DYNC2H1: variants seen among roughly 807,000 people sequenced by gnomAD.
DYNC2H1 encodes the protein dynein cytoplasmic 2 heavy chain 1, also known as cytoplasmic dynein 2 heavy chain 1.
A neutral mutation model predicts 570.0 loss-of-function variants in DYNC2H1; 410 were observed. That is an observed-to-expected ratio of 0.72 (90% CI 0.66 to 0.78). The LOEUF (loss-of-function observed/expected upper bound fraction) is 0.78, where lower values mean the gene tolerates loss of function less well. DYNC2H1 is among the 30% of genes least tolerant of loss of function. The pLI is 0.00. For synonymous variants in DYNC2H1, 1,688 were observed against 1,677.6 expected, an observed-to-expected ratio of 1.01 and a Z score of -0.15; for missense variants, 4,865 against 5,046.4, an observed-to-expected ratio of 0.96 and a Z score of 1.09.
At chr11:103,165,836 A>G in intron 30 of DYNC2H1, 62 bp from the exon 31 acceptor site, 2 of 1,351,422 alleles carry the variant, frequency 1.5e-6, no homozygotes, top group Non-Finnish European at 1.9e-6. Flanking sequence ...CTTTCTTTAA[A>G]TTTATAAAAT....
chr11:103,273,724 T>C (rs1036268627), intron 70 of DYNC2H1, among the ~76,000 whole-genome samples: 3 of 152,192 alleles, frequency 2.0e-5, no homozygotes, highest in South Asian at 2.1e-4. Context: ...ATTTCCAGCT[T>C]AGAAAATTAA....
At chr11:103,445,616 G>A (rs1046444495) in intron 85 of DYNC2H1, among the ~76,000 whole-genome samples, 1 of 152,036 alleles carries the variant, frequency 6.6e-6, no homozygotes, top group Non-Finnish European at 1.5e-5. Context: ...TGGCTATGGG[G>A]CATGGGAGAG....
rs185875218 is a variant in DYNC2H1, at chr11:103,321,569, T to C, written c.11934+332T>C. 2.1e-3 allele frequency among the ~76,000 whole-genome samples: 316 copies of C among 152,282 alleles called. 1 individual carries two copies. The highest frequency in any genetic ancestry group is 6.8e-3 in the Middle Eastern group (2 of 294). On this transcript the variant is annotated intron_variant, in intron 81 of 88. Coordinates refer to ENST00000375735, the MANE Select transcript of DYNC2H1 (RefSeq NM_001377.3). ...ATGCACTTCATAGTAGGCATGAGTA[T>C]ACTCTCATATATTGAAAAATATGAA...
intron 59 of DYNC2H1, among the ~76,000 whole-genome samples, chr11:103,227,804 T>C (rs537069354): frequency 6.6e-6 from 1 of 152,322 alleles, no homozygotes; most frequent in East Asian, 1.9e-4. Context: ...ACTATTATTG[T>C]GTTGATGTTT....
At chr11:103,433,074 C>T (rs1943951474) in intron 84 of DYNC2H1, among the ~76,000 whole-genome samples, 1 of 151,908 alleles carries the variant, frequency 6.6e-6, no homozygotes, top group Non-Finnish European at 1.5e-5. Flanking sequence ...CTTTGTATCT[C>T]CTTTATTGGT....
intron 84 of DYNC2H1, among the ~76,000 whole-genome samples, chr11:103,426,589 C>T (rs1164636102): frequency 6.6e-6 from 1 of 152,142 alleles, no homozygotes; most frequent in African/African-American, 2.4e-5. Flanking sequence ...ATTTACTGAA[C>T]ATCTATGTTA....
intron 6 of DYNC2H1, 43 bp downstream of exon 6, chr11:103,117,906 T>C: frequency 4.0e-6 from 6 of 1,482,414 alleles, no homozygotes; most frequent in Non-Finnish European, 5.5e-6. Context: ...AAATGTAAAG[T>C]GTATCTTCAC....
In DYNC2H1 at chr11:103,204,964, A is replaced by G; in HGVS notation, c.8454A>G (p.Lys2818=). 1 of 1,558,716 alleles carries G rather than the reference A, an allele frequency of 6.4e-7. No individual in the cohort carries two copies. The highest frequency in any genetic ancestry group is 8.7e-7 in the Non-Finnish European group (1 of 1,154,062). ...MEGWSNSSMK[K]IPEMLFSETG... is the part of the protein sequence containing the mutation. ...GTTGGTCCAATAGCAGTATGAAGAA[A>G]GTAAGTTTAACAAATATTAAAAAAT... The change falls in exon 52 of 89, where the codon AAA becomes AAG. Residue 2818 remains lysine (K), a splice_region_variant and synonymous_variant. Transcript: ENST00000375735. The surrounding 1 kb of genome is among the most constrained non-coding windows in gnomAD (Gnocchi z 4.1).
At chr11:103,392,506 C>T (rs2251054) in intron 83 of DYNC2H1, among the ~76,000 whole-genome samples, 50,602 of 152,116 alleles carry the variant, frequency 0.33, 10,236 homozygotes, top group Non-Finnish European at 0.45. Context: ...ACCCACTGTC[C>T]GACAATCCGC....
At chr11:103,187,966 G>T (rs946214557) in intron 43 of DYNC2H1, among the ~76,000 whole-genome samples, 1 of 151,850 alleles carries the variant, frequency 6.6e-6, no homozygotes, top group African/African-American at 2.4e-5. Context: ...TTTTTTTCTG[G>T]CTGCTTTAAC....
intron 50 of DYNC2H1, among the ~76,000 whole-genome samples, chr11:103,202,861 AG>A (rs1352552272): frequency 6.6e-6 from 1 of 152,178 alleles, no homozygotes; most frequent in Non-Finnish European, 1.5e-5. Context: ...GATGTGCTCC[AG>A]GCCCTCTATC....
chr11:103,460,674 G>GTA (rs1329613887), intron 87 of DYNC2H1, among the ~76,000 whole-genome samples: 3 of 150,854 alleles, frequency 2.0e-5, no homozygotes, highest in African/African-American at 7.3e-5. Context: ...TGTATAATCT[G>GTA]TATATATATA....
chr11:103,152,635 C>T (rs1308690492), intron 21 of DYNC2H1, among the ~76,000 whole-genome samples: 1 of 152,090 alleles, frequency 6.6e-6, no homozygotes, highest in African/African-American at 2.4e-5. Context: ...CTAATGGAGA[C>T]CCCAAAAATT....
intron 83 of DYNC2H1, among the ~76,000 whole-genome samples, chr11:103,365,163 A>C (rs1328580719): frequency 6.6e-6 from 1 of 152,054 alleles, no homozygotes; most frequent in African/African-American, 2.4e-5. Context: ...GGAGTTCGAA[A>C]CCAGCCTGAC....
intron 85 of DYNC2H1, among the ~76,000 whole-genome samples, chr11:103,449,967 TTAAATA>T (rs1200959067): frequency 6.6e-6 from 1 of 152,068 alleles, no homozygotes; most frequent in Non-Finnish European, 1.5e-5. Flanking sequence ...GCATTGCACT[TTAAATA>T]TAAATACACA....
At chr11:103,192,931 G>A (rs992871633) in intron 47 of DYNC2H1, among the ~76,000 whole-genome samples, 2 of 152,136 alleles carry the variant, frequency 1.3e-5, no homozygotes, top group Admixed American at 6.5e-5. Context: ...AGAGGATAAA[G>A]CTAGGCTTCA....
chr11:103,204,913 G>A lies in DYNC2H1; in HGVS notation c.8403G>A (p.Lys2801=). The part of the protein sequence containing the change: ...INCESNPALH[K]KCQVLWMEGW... ...GTGAGAGTAATCCAGCTTTGCATAA[G>A]AAATGCCAGGTGTTGTGGATGGAGG... Residue 2801 remains lysine, a synonymous_variant, in exon 52 of 89, where the codon AAG becomes AAA. Coordinates refer to ENST00000375735, the MANE Select transcript of DYNC2H1 (RefSeq NM_001377.3). The surrounding 1 kb of genome is among the most constrained non-coding windows in gnomAD (Gnocchi z 4.1). 6.3e-7 allele frequency: 1 copy of A among 1,594,196 alleles called. No individual in the cohort carries two copies. Among genetic ancestry groups the A allele is most frequent in the Non-Finnish European group, 8.6e-7 (1 of 1,169,096 alleles).
At position 103,181,942 on chromosome 11, in the gene DYNC2H1, G is replaced by A; in HGVS notation, c.6477+56G>A. ...CGAGGTGAGAAGTATGATTAAGAGT[G>A]ATGCTTATTTTAACTTCCTTGTGGT... On this transcript the variant is annotated intron_variant, in intron 40 of 88. Transcript: ENST00000375735. The surrounding 1 kb of genome is among the most constrained non-coding windows in gnomAD (Gnocchi z 5.0). 1.3e-6 allele frequency: 2 copies of A among 1,547,876 alleles called. No homozygotes were observed. Among genetic ancestry groups the A allele is most frequent in the Non-Finnish European group, 1.8e-6 (2 of 1,142,118 alleles).
At chr11:103,404,800 A>G (rs1942790412) in intron 84 of DYNC2H1, 1 of 151,804 alleles carries the variant, frequency 6.6e-6, no homozygotes, top group South Asian at 2.1e-4. Flanking sequence ...TAGACCTCCT[A>G]CTGTGAATAG....
Sources: gnomAD v4.1 joint callset for allele counts (sites outside exome capture counted in the v4.1 genomes callset) on GRCh38, gnomAD v4.1.1 for gene constraint, Gnocchi (gnomAD v3.1) non-coding constraint, MANE v1.5 for transcripts, NCBI Gene and HGNC (gene_info 2026-07-23, HGNC 2026-07-21) for gene names.